The following PCDH15 variants were observed in gnomAD, a reference collection of about 807,000 sequenced individuals.
PCDH15 encodes protocadherin-15.
A neutral mutation model predicts 178.5 loss-of-function variants in PCDH15; 129 were observed. That is an observed-to-expected ratio of 0.72 (90% confidence interval 0.63 to 0.84). The LOEUF (loss-of-function observed/expected upper bound fraction) is 0.84, where lower values mean the gene tolerates loss of function less well. Ranked by LOEUF, PCDH15 falls within the 40% of genes least tolerant of loss-of-function variation. PCDH15 has a pLI of 0.00. For missense variants in PCDH15, 2,230 were observed against 2,099.9 expected (o/e 1.06, Z -1.21); for synonymous variants, 800 against 732.0 (o/e 1.09, Z -1.50).
chr10:55,255,384 G>T (rs1364224998), intron 1 of PCDH15, among the ~76,000 whole-genome samples: 2 of 152,106 alleles, frequency 1.3e-5, no homozygotes, highest in Non-Finnish European at 2.9e-5. Context: ...CCAAGTCTTT[G>T]CTATTGTGAA....
chr10:55,450,022 G>A (rs1839399180), intron 2 of PCDH15, among the ~76,000 whole-genome samples: 2 of 151,732 alleles, frequency 1.3e-5, no homozygotes, highest in African/African-American at 4.9e-5. Flanking sequence ...ATTAAAACAT[G>A]GCTTAAAGCA....
chr10:55,518,869 C>T (rs1841084143), intron 2 of PCDH15, among the ~76,000 whole-genome samples: 1 of 151,594 alleles, frequency 6.6e-6, no homozygotes, highest in South Asian at 2.1e-4. Flanking sequence ...CCAAGGCAGG[C>T]AGAATACGAG....
chr10:54,638,601 C>T (rs969048740), intron 2 of PCDH15, among the ~76,000 whole-genome samples: 1 of 152,022 alleles, frequency 6.6e-6, no homozygotes, highest in Middle Eastern at 3.2e-3. Flanking sequence ...TGTCAACTAG[C>T]CTATCTTTTA....
chr10:55,266,613 G>A (rs1257556907), intron 1 of PCDH15, among the ~76,000 whole-genome samples: 1 of 152,152 alleles, frequency 6.6e-6, no homozygotes. Context: ...ACCCTTGCGG[G>A]CAGAGATTCA....
At chr10:54,330,241 T>C (rs1273610536) in intron 6 of PCDH15, among the ~76,000 whole-genome samples, 2 of 151,868 alleles carry the variant, frequency 1.3e-5, no homozygotes, top group Non-Finnish European at 1.5e-5. Context: ...TAGGTGATTT[T>C]TGTCATTGTG....
At chr10:54,333,885 C>A (rs1940430324) in intron 6 of PCDH15, among the ~76,000 whole-genome samples, 1 of 152,122 alleles carries the variant, frequency 6.6e-6, no homozygotes, top group South Asian at 2.1e-4. Flanking sequence ...ATTTATTTTT[C>A]TCTTCTTTCA....
At chr10:54,979,299 T>C (rs1839157526) in intron 2 of PCDH15, among the ~76,000 whole-genome samples, 1 of 152,132 alleles carries the variant, frequency 6.6e-6, no homozygotes. Flanking sequence ...GACTTCAAAT[T>C]ATTTGAATAG....
chr10:54,214,015 A>G lies in PCDH15; in HGVS notation c.1019T>C (p.Met340Thr). ...TPEDYPRFFH[M>T]HPRTAELSLL... is the part of the protein sequence containing the mutation. ...ACTAAGTTCTGCTGTCCTAGGATGC[A>G]TATGGAAAAATCGTGGGTAATCCTC... The change falls in exon 10 of 38, where the codon ATG (methionine) becomes ACG (threonine). Residue 340 changes from methionine (M) to threonine (T), a missense_variant. Physicochemically the swap from Met to Thr is moderately conservative, Grantham distance 81. Transcript: ENST00000644397. 1 of 1,610,796 alleles carries G rather than the reference A, an allele frequency of 6.2e-7. No individual in the cohort carries two copies. The highest frequency in any genetic ancestry group is 8.5e-7 in the Non-Finnish European group (1 of 1,177,216).
intron 2 of PCDH15, among the ~76,000 whole-genome samples, chr10:55,126,867 T>C (rs1413355216): frequency 1.3e-5 from 2 of 151,188 alleles, no homozygotes; most frequent in Non-Finnish European, 3.0e-5. Flanking sequence ...TTTCCTACAA[T>C]TGCCTTAAAT....
chr10:55,415,688 G>A (rs1246601538), intron 2 of PCDH15, among the ~76,000 whole-genome samples: 1 of 151,530 alleles, frequency 6.6e-6, no homozygotes, highest in Non-Finnish European at 1.5e-5. Context: ...TGTTGGAGCT[G>A]GAAGTTGGCC....
chr10:55,624,153 C>T (rs1837472758), intron 2 of PCDH15, among the ~76,000 whole-genome samples: 1 of 151,836 alleles, frequency 6.6e-6, no homozygotes, highest in African/African-American at 2.4e-5. Context: ...AATCATAATG[C>T]CTGTGATTTG....
chr10:55,483,555 G>A (rs1840230242), intron 2 of PCDH15, among the ~76,000 whole-genome samples: 1 of 151,782 alleles, frequency 6.6e-6, no homozygotes, highest in African/African-American at 2.4e-5. Context: ...TTCAGCCATT[G>A]TAGAAGACAG....
At chr10:54,011,465 T>C (rs1481360203) in intron 20 of PCDH15, among the ~76,000 whole-genome samples, 1 of 152,102 alleles carries the variant, frequency 6.6e-6, no homozygotes, top group East Asian at 1.9e-4. Context: ...GGAAAGAACA[T>C]AAAGCCTGAG....
At chr10:54,420,481 G>A (rs1443953414) in intron 3 of PCDH15, among the ~76,000 whole-genome samples, 1 of 152,110 alleles carries the variant, frequency 6.6e-6, no homozygotes, top group African/African-American at 2.4e-5. Flanking sequence ...AAGTGAATTG[G>A]GAGTACAGAT....
intron 1 of PCDH15, among the ~76,000 whole-genome samples, chr10:55,240,861 T>G (rs889686784): frequency 1.3e-4 from 20 of 152,176 alleles, no homozygotes; most frequent in African/African-American, 4.6e-4. Context: ...TATAGTGCAC[T>G]CTCAAAACCA....
intron 2 of PCDH15, among the ~76,000 whole-genome samples, chr10:55,430,849 A>T (rs936317385): frequency 1.3e-5 from 2 of 152,202 alleles, no homozygotes; most frequent in Non-Finnish European, 2.9e-5. Context: ...TATATTAGGA[A>T]TTCACGACTA....
At chr10:54,161,638 T>C (rs2133447328) in intron 13 of PCDH15, among the ~76,000 whole-genome samples, 1 of 148,382 alleles carries the variant, frequency 6.7e-6, no homozygotes. Context: ...TACATTTGTC[T>C]CATGGGAGTT....
At chr10:54,057,977 T>A (rs7080932) in intron 18 of PCDH15, among the ~76,000 whole-genome samples, 91,264 of 152,012 alleles carry the variant, frequency 0.6, 27,554 homozygotes, top group Middle Eastern at 0.75. Context: ...CATCTCCATC[T>A]AAGATCACCT....
At position 54,281,924 on chromosome 10, in the gene PCDH15, A is replaced by G. The variant is rs138225533; in HGVS notation, c.876+35347T>C. 3.2e-3 allele frequency among the ~76,000 whole-genome samples: 483 copies of G among 152,194 alleles called. 6 individuals carry two copies. Among genetic ancestry groups the G allele is most frequent in the African/African-American group, 9.0e-3 (374 of 41,570 alleles). On this transcript the variant is annotated intron_variant, in intron 8 of 37. Transcript: ENST00000644397. ...AGTAACTCATCAAAACTATTTTCTT[A>G]TGAAGGTAATAAAAGCTACAATACC...
Sources: gnomAD v4.1 joint callset for allele counts (sites outside exome capture counted in the v4.1 genomes callset) on GRCh38, gnomAD v4.1.1 for gene constraint, MANE v1.5 for transcripts, NCBI Gene and HGNC (gene_info 2026-07-23, HGNC 2026-07-21) for gene names.